The following CD36 variants were observed in gnomAD, a reference collection of about 807,000 sequenced individuals.
CD36 encodes CD36 molecule (CD36 blood group).
A neutral mutation model predicts 55.2 loss-of-function variants in CD36; 119 were observed. The ratio of observed to expected loss-of-function variants is 2.15; its 90% CI spans 1.86 to 2.51. The LOEUF (loss-of-function observed/expected upper bound fraction) is 2.51. CD36 is among the 30% of genes most tolerant of loss of function. CD36 has a pLI of 0.00. For missense variants in CD36, 819 were observed against 555.5 expected, an observed-to-expected ratio of 1.47 and a Z score of -4.77; for synonymous variants, 186 against 193.6, an observed-to-expected ratio of 0.96 and a Z score of 0.33.
intron 5 of CD36, chr7:80,662,482 C>A: frequency 3.8e-6 from 1 of 263,158 alleles, no homozygotes; most frequent in Non-Finnish European, 8.2e-6. Context: ...GAGCCTCGTG[C>A]CGTTAGACGT....
At chr7:80,649,503 A>C (rs970502302) in intron 3 of CD36, among the ~76,000 whole-genome samples, 188 of 146,648 alleles carry the variant, frequency 1.3e-3, no homozygotes, top group African/African-American at 3.9e-3. Flanking sequence ...GAAAAAAAAA[A>C]CTGATAGATA....
chr7:80,651,375 C>T (rs1795605264), intron 3 of CD36, among the ~76,000 whole-genome samples: 1 of 151,916 alleles, frequency 6.6e-6, no homozygotes, highest in Admixed American at 6.6e-5. Context: ...GCACATGTAC[C>T]TCTGACCCTA....
chr7:80,615,300 T>C (rs1393772352), intron 1 of CD36, among the ~76,000 whole-genome samples: 1 of 152,208 alleles, frequency 6.6e-6, no homozygotes, highest in East Asian at 1.9e-4. Context: ...AATTATTTAA[T>C]TGTTCTATTC....
Position 80,602,355 on chromosome 7 carries a change from C to T in CD36, c.-208C>T, listed in dbSNP as rs886062451. 14 of 152,086 alleles carry T rather than the reference C, an allele frequency of 9.2e-5. No individual in the cohort carries two copies. Among genetic ancestry groups the T allele is most frequent in the Admixed American group, 2.6e-4 (4 of 15,250 alleles). 9.4% of individuals were successfully genotyped at this position (152,086 alleles called of 1,614,324 possible). A position where few individuals can be genotyped will look rare whatever the true frequency, so the allele number is the denominator to read the frequency against. On this transcript the variant is annotated 5_prime_UTR_variant, in exon 1 of 14. Transcript: ENST00000309881. Reference sequence around the variant, plus strand: ...AGCCAGTCTTGAGGTCCTACATCTCCGAAAGCAAGCTCTTCTAGAAGTTGG... The same window carrying T: ...AGCCAGTCTTGAGGTCCTACATCTCTGAAAGCAAGCTCTTCTAGAAGTTGG...
In CD36 at chr7:80,661,078, C is replaced by A. The variant is rs1796480234; in HGVS notation, c.297C>A (p.Ala99=). ...GPYTYRVRFL[A]KENVTQDAED... is the part of the protein sequence containing the mutation. ...ATTTCTTTAGAGTTCGTTTTCTAGC[C>A]AAGGAAAATGTAACCCAGGACGCTG... The change falls in exon 5 of 15, where the codon GCC becomes GCA. Residue 99 remains alanine (A), a synonymous_variant. Transcript: ENST00000447544. 1 of 1,613,462 alleles carries A rather than the reference C, an allele frequency of 6.2e-7. No individual in the cohort carries two copies. The highest frequency in any genetic ancestry group is 1.1e-5 in the South Asian group (1 of 91,066).
intron 1 of CD36, among the ~76,000 whole-genome samples, chr7:80,610,938 C>A (rs1441756307): frequency 6.6e-6 from 1 of 151,944 alleles, no homozygotes; most frequent in Non-Finnish European, 1.5e-5. Context: ...TGCAGTGGCA[C>A]AATCATAGCT....
intron 3 of CD36, 43 bp from the exon 4 acceptor site, chr7:80,656,497 C>G (rs1229673614): frequency 3.2e-6 from 5 of 1,587,162 alleles, no homozygotes; most frequent in Non-Finnish European, 3.5e-6. Flanking sequence ...AGTGCCTGTA[C>G]TTACTACAAA....
At chr7:80,630,244 A>G (rs1204296565) in intron 1 of CD36, among the ~76,000 whole-genome samples, 2 of 152,054 alleles carry the variant, frequency 1.3e-5, no homozygotes, top group Non-Finnish European at 2.9e-5. Flanking sequence ...CATCAAAACA[A>G]GGATCTGTTA....
At chr7:80,655,508 A>G (rs1795982411) in intron 3 of CD36, among the ~76,000 whole-genome samples, 1 of 152,122 alleles carries the variant, frequency 6.6e-6, no homozygotes, top group Admixed American at 6.6e-5. Context: ...ATCTTTACCA[A>G]AGGAGCATCA....
chr7:80,667,753 T>TTTTTGTTTG (rs1797248517), intron 8 of CD36, among the ~76,000 whole-genome samples: 1 of 112,894 alleles, frequency 8.9e-6, no homozygotes, highest in Non-Finnish European at 2.1e-5. Flanking sequence ...TTTTGTTTTT[T>TTTTTGTTTG]TTTTTTTTTT....
At chr7:80,655,913 C>T (rs1796011362) in intron 3 of CD36, among the ~76,000 whole-genome samples, 1 of 144,722 alleles carries the variant, frequency 6.9e-6, no homozygotes, top group Admixed American at 7.0e-5. Flanking sequence ...AGAGCAATAT[C>T]TTGTCTCAAA....
At position 80,656,795 on chromosome 7, in the gene CD36, CT is replaced by C. The variant is rs1046861966; in HGVS notation, c.281+97del. The C allele has an allele frequency of 5.3e-6, 6 of 1,132,222 alleles. No individual in the cohort carries two copies. In the Admixed American group the frequency reaches 9.3e-5, roughly 18 times the overall value. The allele number at this position is 1,132,222 out of a possible 1,614,324, so 70.1% of individuals were successfully genotyped here. On this transcript the variant is annotated intron_variant, in intron 4 of 14. Coordinates refer to ENST00000447544, the MANE Select transcript of CD36 (RefSeq NM_001001548.3). ...GCAAATGTCATTGTATTGAAATGTA[CT>C]TATTATTTTCTTGCCAAAAATATAC...
chr7:80,616,002 ACAC>A, intron 1 of CD36, among the ~76,000 whole-genome samples: 6 of 152,174 alleles, frequency 3.9e-5, no homozygotes, highest in Non-Finnish European at 8.8e-5. Flanking sequence ...TTAACAGATA[ACAC>A]TTTCTTCCTT....
intron 1 of CD36, among the ~76,000 whole-genome samples, chr7:80,613,077 A>C (rs1426907124): frequency 6.6e-6 from 1 of 152,102 alleles, no homozygotes; most frequent in Non-Finnish European, 1.5e-5. Flanking sequence ...AGTAGTAGAG[A>C]GAGGAGGGGA....
At chr7:80,645,863 G>C (rs77402460) in intron 1 of CD36, among the ~76,000 whole-genome samples, 2,569 of 152,154 alleles carry the variant, frequency 0.017, 72 homozygotes, top group African/African-American at 0.058. Flanking sequence ...TATACCTGTA[G>C]TCTATCCAAA....
intron 1 of CD36, among the ~76,000 whole-genome samples, chr7:80,610,028 T>A (rs1446075298): frequency 6.6e-6 from 1 of 152,150 alleles, no homozygotes; most frequent in African/African-American, 2.4e-5. Flanking sequence ...TTTAAAGCCT[T>A]CCTTGGAAAA....
chr7:80,614,932 C>G (rs1793066581), intron 1 of CD36, among the ~76,000 whole-genome samples: 2 of 152,044 alleles, frequency 1.3e-5, no homozygotes, highest in African/African-American at 2.4e-5. Flanking sequence ...ATCCAGTTTT[C>G]ATTACTTCTC....
intron 1 of CD36, among the ~76,000 whole-genome samples, chr7:80,643,745 T>TCATTTTA (rs1414420620): frequency 1.3e-5 from 2 of 152,196 alleles, no homozygotes; most frequent in African/African-American, 4.8e-5. Flanking sequence ...TTTTATCATC[T>TCATTTTA]CATTTTACGC....
chr7:80,659,308 T>C (rs1001313933), intron 4 of CD36, among the ~76,000 whole-genome samples: 17 of 152,196 alleles, frequency 1.1e-4, no homozygotes, highest in African/African-American at 3.6e-4. Context: ...CATTGTCTGC[T>C]AAAGTAAGCT....
Sources: allele counts gnomAD v4.1 joint callset (sites outside exome capture counted in the v4.1 genomes callset), GRCh38; gene constraint gnomAD v4.1.1; transcripts MANE v1.5; gene names NCBI Gene and HGNC (gene_info 2026-07-23, HGNC 2026-07-21).